The following WDR7 variants were observed in gnomAD, a reference collection of about 807,000 sequenced individuals.
WDR7 encodes the protein WD repeat domain 7.
Under a neutral mutation model 169.4 loss-of-function variants are expected in WDR7, and 46 were observed. That is an observed-to-expected ratio of 0.27 (90% confidence interval 0.21 to 0.35). The LOEUF (loss-of-function observed/expected upper bound fraction) is 0.35, where lower values mean the gene tolerates loss of function less well. WDR7 is among the 10% of genes least tolerant of loss of function. The pLI, the probability that WDR7 is intolerant of heterozygous loss-of-function variation, is 1.00. For missense variants in WDR7, 1,534 were observed against 1,859.3 expected, an observed-to-expected ratio of 0.83 and a Z score of 3.22; for synonymous variants, 612 against 666.8, an observed-to-expected ratio of 0.92 and a Z score of 1.27.
At chr18:56,913,634 A>G (rs1195839111) in intron 21 of WDR7, among the ~76,000 whole-genome samples, 2 of 151,154 alleles carry the variant, frequency 1.3e-5, no homozygotes, top group Non-Finnish European at 3.0e-5. Context: ...AAAAAAAAAA[A>G]AAAAAAAAAA....
intron 19 of WDR7, among the ~76,000 whole-genome samples, chr18:56,803,369 C>A (rs191201163): frequency 7.2e-5 from 11 of 152,178 alleles, no homozygotes; most frequent in Admixed American, 7.2e-4. Flanking sequence ...GGTTAAGAGT[C>A]AAAAGCGTTC....
intron 26 of WDR7, among the ~76,000 whole-genome samples, chr18:56,995,225 C>G (rs531138444): frequency 2.0e-5 from 3 of 152,240 alleles, no homozygotes; most frequent in South Asian, 4.1e-4. Context: ...TTGGTAAAAT[C>G]CTGCCTATTT....
chr18:57,020,884 A>G (rs2145939466), intron 27 of WDR7, 35 bp downstream of exon 27: 3 of 1,579,924 alleles, frequency 1.9e-6, no homozygotes, highest in Middle Eastern at 1.7e-4. Context: ...TAAAGCATAT[A>G]CTGCGTGATA....
intron 19 of WDR7, among the ~76,000 whole-genome samples, chr18:56,813,303 GAT>G (rs2044907581): frequency 6.6e-6 from 1 of 151,984 alleles, no homozygotes; most frequent in South Asian, 2.1e-4. Flanking sequence ...AACTTCCAAT[GAT>G]ATGTTAAGTA....
intron 20 of WDR7, among the ~76,000 whole-genome samples, chr18:56,816,590 G>A (rs1052998726): frequency 2.0e-5 from 3 of 152,184 alleles, no homozygotes; most frequent in African/African-American, 7.2e-5. Context: ...AGTGAATGCT[G>A]CTTTTTAATT....
At chr18:56,847,048 G>GA (rs1421860526) in intron 20 of WDR7, among the ~76,000 whole-genome samples, 7 of 152,184 alleles carry the variant, frequency 4.6e-5, no homozygotes, top group Non-Finnish European at 2.9e-5. Flanking sequence ...GAAGAAGACA[G>GA]AAGATATGAG....
chr18:56,836,063 T>C (rs2045391336), intron 20 of WDR7, among the ~76,000 whole-genome samples: 1 of 152,208 alleles, frequency 6.6e-6, no homozygotes, highest in Admixed American at 6.5e-5. Context: ...AAGAAAAATG[T>C]GAAGATTAAT....
chr18:56,782,585 CTT>C (rs2044335535), intron 19 of WDR7, among the ~76,000 whole-genome samples: 1 of 151,764 alleles, frequency 6.6e-6, no homozygotes. Context: ...TTAAAAAAAA[CTT>C]TTTATTATGA....
At chr18:56,836,722 G>A (rs894543030) in intron 20 of WDR7, among the ~76,000 whole-genome samples, 2 of 152,194 alleles carry the variant, frequency 1.3e-5, no homozygotes, top group Admixed American at 1.3e-4. Context: ...TTGATGCTTT[G>A]TAATGATTTT....
intron 20 of WDR7, among the ~76,000 whole-genome samples, chr18:56,856,466 G>C (rs1349992059): frequency 6.6e-6 from 1 of 152,108 alleles, no homozygotes; most frequent in Middle Eastern, 3.2e-3. Flanking sequence ...CTGGGGAAGT[G>C]GAGGTTGCAG....
At position 56,935,799 on chromosome 18, in the gene WDR7, G is replaced by A. The variant is rs1278396285; in HGVS notation, c.3725G>A (p.Gly1242Glu). 2 of 1,613,830 alleles carry A rather than the reference G, an allele frequency of 1.2e-6. No homozygotes were observed. The highest frequency in any genetic ancestry group is 1.7e-6 in the Non-Finnish European group (2 of 1,180,024). ...TGATCCCTGTTTAGCATCACAATGG[G>A]GTTGCCTCTGAGCCCAGCAGCTGAC... ...AEKQLANITMGLPLSPAADSA... is the reference protein window; with the variant it reads ...AEKQLANITMELPLSPAADSA... Residue 1242 changes from glycine to glutamate, a missense_variant, in exon 23 of 28, where the codon GGG (glycine) becomes GAG (glutamate). Physicochemically the swap from Gly to Glu is moderately conservative, Grantham distance 98. Coordinates refer to ENST00000254442, the MANE Select transcript of WDR7 (RefSeq NM_015285.3).
chr18:56,975,095 G>A (rs1014374201), intron 26 of WDR7, among the ~76,000 whole-genome samples: 16 of 152,080 alleles, frequency 1.1e-4, no homozygotes, highest in African/African-American at 3.1e-4. Context: ...AAAATTAGCC[G>A]GGTGTGGTGG....
At chr18:56,688,889 A>G (rs1364408646) in intron 7 of WDR7, among the ~76,000 whole-genome samples, 1 of 152,188 alleles carries the variant, frequency 6.6e-6, no homozygotes, top group Non-Finnish European at 1.5e-5. Flanking sequence ...CTTTCTTAAA[A>G]TGCATACATA....
chr18:56,774,569 T>A (rs1330242495), intron 16 of WDR7, among the ~76,000 whole-genome samples: 1 of 152,172 alleles, frequency 6.6e-6, no homozygotes. Context: ...ATGGTGTAAA[T>A]CTTTCATATT....
chr18:56,728,559 C>T (rs1488625355), intron 13 of WDR7, among the ~76,000 whole-genome samples: 1 of 152,166 alleles, frequency 6.6e-6, no homozygotes, highest in African/African-American at 2.4e-5. Context: ...ATCCTTTCTC[C>T]CCTTTTGGGA....
intron 16 of WDR7, among the ~76,000 whole-genome samples, chr18:56,759,915 G>C (rs1170685545): frequency 8.5e-5 from 13 of 152,054 alleles, no homozygotes; most frequent in Admixed American, 5.9e-4. Context: ...ATCCTTAAAT[G>C]GTGTGCTTGA....
chr18:56,897,619 A>G (rs1299612301), intron 21 of WDR7, among the ~76,000 whole-genome samples: 1 of 151,952 alleles, frequency 6.6e-6, no homozygotes, highest in Admixed American at 6.6e-5. Context: ...TAAGACATTG[A>G]TATTTTTTAT....
At chr18:56,708,663 G>A (rs79356053) in intron 12 of WDR7, among the ~76,000 whole-genome samples, 1,911 of 152,252 alleles carry the variant, frequency 0.013, 53 homozygotes, top group African/African-American at 0.043. Context: ...GGTCAGGCGC[G>A]GTGGCTGACG....
intron 19 of WDR7, among the ~76,000 whole-genome samples, chr18:56,787,276 G>A (rs938909305): frequency 6.6e-6 from 1 of 152,108 alleles, no homozygotes; most frequent in Non-Finnish European, 1.5e-5. Flanking sequence ...AGGGCATGAG[G>A]TCACAAGCGT....
Sources: gnomAD v4.1 joint callset for allele counts (sites outside exome capture counted in the v4.1 genomes callset) on GRCh38, gnomAD v4.1.1 for gene constraint, MANE v1.5 for transcripts, NCBI Gene and HGNC (gene_info 2026-07-23, HGNC 2026-07-21) for gene names.